Variants in DDC observed in about 807,000 individuals in gnomAD.
The protein encoded by DDC is aromatic-L-amino-acid decarboxylase.
DDC carries 43 observed loss-of-function variants against 60.0 expected under a neutral mutation model. The ratio of observed to expected loss-of-function variants is 0.72; its 90% CI spans 0.56 to 0.92. DDC has a LOEUF of 0.92. Ranked by LOEUF, DDC falls within the 40% of genes least tolerant of loss-of-function variation. DDC has a pLI of 0.00. For missense variants in DDC, 573 were observed against 620.2 expected (o/e 0.92, Z 0.81); for synonymous variants, 232 against 234.6 (o/e 0.99, Z 0.10).
intron 9 of DDC, among the ~76,000 whole-genome samples, chr7:50,483,649 T>A (rs963626186): frequency 5.3e-5 from 8 of 152,132 alleles, no homozygotes; most frequent in African/African-American, 1.2e-4. Flanking sequence ...ACACCTGTAA[T>A]CCCAGCACTT....
intron 1 of DDC, among the ~76,000 whole-genome samples, chr7:50,563,130 G>A: frequency 6.8e-6 from 1 of 147,146 alleles, no homozygotes; most frequent in Non-Finnish European, 1.5e-5. Flanking sequence ...CTGTGCCACT[G>A]CACTCCAGCC....
At chr7:50,482,308 T>A (rs186513880) in intron 9 of DDC, among the ~76,000 whole-genome samples, 3 of 152,166 alleles carry the variant, frequency 2.0e-5, no homozygotes, top group Non-Finnish European at 2.9e-5. Flanking sequence ...GGAGGGTGAG[T>A]AACTTTGTAT....
chr7:50,476,680 T>C, intron 10 of DDC, 37 bp from the exon 11 acceptor site: 1 of 1,589,658 alleles, frequency 6.3e-7, no homozygotes, highest in Non-Finnish European at 8.6e-7. Context: ...AAAGAAATCG[T>C]TAGACAGGTT....
At chr7:50,518,406 A>G (rs2043797300) in intron 6 of DDC, among the ~76,000 whole-genome samples, 1 of 152,164 alleles carries the variant, frequency 6.6e-6, no homozygotes, top group Non-Finnish European at 1.5e-5. Flanking sequence ...TTCATATGAA[A>G]CCAAAAAAGA....
intron 1 of DDC, chr7:50,564,280 C>T (rs1192230040): frequency 6.6e-6 from 1 of 152,212 alleles, no homozygotes; most frequent in Non-Finnish European, 1.5e-5. Flanking sequence ...GCTGGAGGGA[C>T]TTACCCCAGC....
chr7:50,504,475 T>C (rs2043338988), intron 6 of DDC, among the ~76,000 whole-genome samples: 1 of 151,486 alleles, frequency 6.6e-6, no homozygotes, highest in African/African-American at 2.4e-5. Context: ...TAACGTTCTA[T>C]GTAACATTAG....
rs1391065204 is a variant in DDC, at chr7:50,539,930, G to A, written c.300C>T (p.Cys100=). The change falls in exon 3 of 15, where the codon TGC becomes TGT. Residue 100 remains cysteine, a synonymous_variant. Transcript: ENST00000444124. ...GGACCCTCACCCAGGAGAAGCCGAT[G>A]CAGCCAATGGCCCCGCACAGCATGT... ...LADMLCGAIG[C]IGFSWAASPA... 1.2e-6 allele frequency: 2 copies of A among 1,613,784 alleles called. No individual in the cohort carries two copies. Among genetic ancestry groups the A allele is most frequent in the Non-Finnish European group, 1.7e-6 (2 of 1,179,838 alleles).
chr7:50,480,975 T>A (rs928544528), intron 9 of DDC, among the ~76,000 whole-genome samples: 1 of 152,218 alleles, frequency 6.6e-6, no homozygotes, highest in Non-Finnish European at 1.5e-5. Flanking sequence ...TTGCTCTGCT[T>A]CATTGGCAGT....
intron 9 of DDC, among the ~76,000 whole-genome samples, chr7:50,482,558 A>C (rs1370242316): frequency 6.6e-6 from 1 of 152,182 alleles, no homozygotes; most frequent in African/African-American, 2.4e-5. Context: ...TTAAGGAGGC[A>C]ACTTCCTCAC....
chr7:50,487,617 T>G (rs1317282828), intron 9 of DDC, among the ~76,000 whole-genome samples: 1 of 152,120 alleles, frequency 6.6e-6, no homozygotes, highest in Non-Finnish European at 1.5e-5. Context: ...TGCTTAGGTG[T>G]GTTTATGTAT....
At chr7:50,504,083 C>A (rs755971534) in intron 6 of DDC, 24 bp from the exon 7 acceptor site, 3 of 1,564,246 alleles carry the variant, frequency 1.9e-6, no homozygotes, top group Non-Finnish European at 2.6e-6. Context: ...AGCAGACAGC[C>A]TTTTATTCCC....
At chr7:50,538,124 T>A in intron 3 of DDC, 145 bp from the exon 4 acceptor site, 1 of 994,986 alleles carries the variant, frequency 1.0e-6, no homozygotes, top group Non-Finnish European at 1.5e-6. Context: ...CTGAAGGCTG[T>A]TTGACCTAGA....
Position 50,551,589 on chromosome 7 carries a change from T to C in DDC, c.-28-7476A>G, listed in dbSNP as rs544834745. On this transcript the variant is annotated intron_variant, in intron 1 of 14. Transcript: ENST00000444124. Reference sequence around the variant, plus strand: ...CTTTTTCGTGTGTTTCTTTGCCATTTGGATTACTTTTTTACTGAATTTCTT... The same window carrying C: ...CTTTTTCGTGTGTTTCTTTGCCATTCGGATTACTTTTTTACTGAATTTCTT... Among the ~76,000 whole-genome samples, 3 of 152,282 alleles carry C rather than the reference T, an allele frequency of 2.0e-5. 1 individual carries two copies. The South Asian group carries it at 6.2e-4, about 32-fold the overall frequency.
chr7:50,470,494 C>T (rs1315172106), intron 11 of DDC, among the ~76,000 whole-genome samples: 2 of 152,242 alleles, frequency 1.3e-5, no homozygotes, highest in Non-Finnish European at 2.9e-5. Context: ...CCGTGGTGAG[C>T]AAACAGGGAA....
intron 1 of DDC, among the ~76,000 whole-genome samples, chr7:50,556,451 TC>T (rs2045191523): frequency 6.6e-6 from 1 of 152,150 alleles, no homozygotes; most frequent in African/African-American, 2.4e-5. Context: ...AGTTCCTATT[TC>T]CTAATACATT....
At chr7:50,501,512 A>C (rs1440557301) in intron 7 of DDC, among the ~76,000 whole-genome samples, 2 of 152,260 alleles carry the variant, frequency 1.3e-5, no homozygotes, top group Admixed American at 1.3e-4. Context: ...GTCTTTCCTA[A>C]GGCAGCAATT....
Position 50,477,630 on chromosome 7 carries a change from T to G in DDC, c.1022-987A>C, listed in dbSNP as rs568352650. 8 of 436,510 alleles carry G rather than the reference T, an allele frequency of 1.8e-5. No individual in the cohort carries two copies. The East Asian group carries it at 3.8e-4, about 21-fold the overall frequency. The allele number at this position is 436,510 out of a possible 1,614,324, so 27.0% of individuals were successfully genotyped here. A position where few individuals can be genotyped will look rare whatever the true frequency, so the allele number is the denominator to read the frequency against. ...GTCACCACTTGGTATCATTCCCTAA[T>G]AGTTATTTTCTCCACTAGCATAAAA... On this transcript the variant is annotated intron_variant, in intron 10 of 14. Transcript: ENST00000444124.
At chr7:50,488,837 C>T (rs528321566) in intron 9 of DDC, among the ~76,000 whole-genome samples, 17 of 152,286 alleles carry the variant, frequency 1.1e-4, no homozygotes, top group African/African-American at 3.9e-4. Flanking sequence ...AATTTCATCT[C>T]GCTGTTTTCA....
At chr7:50,511,840 C>T (rs2043590272) in intron 6 of DDC, among the ~76,000 whole-genome samples, 1 of 151,590 alleles carries the variant, frequency 6.6e-6, no homozygotes, top group African/African-American at 2.4e-5. Context: ...AATAGAAGAC[C>T]AAAAATGAAA....
Sources: allele counts gnomAD v4.1 joint callset (sites outside exome capture counted in the v4.1 genomes callset), GRCh38; gene constraint gnomAD v4.1.1; transcripts MANE v1.5; gene names NCBI Gene and HGNC (gene_info 2026-07-23, HGNC 2026-07-21).